Variants in RIC3 observed in about 807,000 individuals in gnomAD.
RIC3 encodes protein RIC-3.
Under a neutral mutation model 27.3 loss-of-function variants are expected in RIC3, and 28 were observed. The observed-to-expected ratio is 1.02, with a 90% CI of 0.76 to 1.41. RIC3 has a LOEUF of 1.41. RIC3 is among the 40% of genes most tolerant of loss of function. RIC3 has a pLI of 0.00. For synonymous variants in RIC3, 184 were observed against 160.4 expected (o/e 1.15, Z -1.11); for missense variants, 501 against 444.7 (o/e 1.13, Z -1.14).
chr11:8,101,301 A>G (rs541387153), downstream of RIC3, among the ~76,000 whole-genome samples: 24 of 151,992 alleles, frequency 1.6e-4, no homozygotes, highest in Admixed American at 4.6e-4. Context: ...GTCCTTTGCC[A>G]TCTGCCACCT....
chr11:8,146,734 G>A (rs558489726), intron 1 of RIC3, among the ~76,000 whole-genome samples: 1 of 151,916 alleles, frequency 6.6e-6, no homozygotes, highest in South Asian at 2.1e-4. Flanking sequence ...GCGGGGCGGG[G>A]TGGCAGGGGG....
downstream of RIC3, chr11:8,101,596 G>A (rs368907491): frequency 7.9e-5 from 128 of 1,614,072 alleles, no homozygotes; most frequent in Admixed American, 1.3e-4. Context: ...GTCCAGCTTC[G>A]ACAGCAAGCT....
chr11:8,151,911 G>T (rs1355978263), intron 1 of RIC3, among the ~76,000 whole-genome samples: 1 of 147,824 alleles, frequency 6.8e-6, no homozygotes, highest in East Asian at 2.0e-4. Context: ...AGTGAGACTC[G>T]GTCTCAAAAA....
At chr11:8,094,821 CGGTT>C in the RIC3 span, among the ~76,000 whole-genome samples, 1 of 152,214 alleles carries the variant, frequency 6.6e-6, no homozygotes, top group Non-Finnish European at 1.5e-5. Context: ...CACTGCGTCA[CGGTT>C]GGACAGTGAT....
At chr11:8,149,394 TAAG>T (rs1425636669) in intron 1 of RIC3, among the ~76,000 whole-genome samples, 1 of 151,844 alleles carries the variant, frequency 6.6e-6, no homozygotes, top group Non-Finnish European at 1.5e-5. Context: ...TTTAGGGAAG[TAAG>T]AAGAGATAAG....
intron 5 of RIC3, among the ~76,000 whole-genome samples, chr11:8,111,560 T>C (rs1564959605): frequency 6.6e-6 from 1 of 151,938 alleles, no homozygotes; most frequent in African/African-American, 2.4e-5. Flanking sequence ...CTTGGTGGAG[T>C]GGGGAGAGGA....
chr11:8,127,298 A>G (rs1278022253), intron 4 of RIC3, among the ~76,000 whole-genome samples: 1 of 152,214 alleles, frequency 6.6e-6, no homozygotes, highest in African/African-American at 2.4e-5. Context: ...GTGCAGGTAT[A>G]AGGATATATT....
At chr11:8,122,309 C>T (rs2133534970) in intron 5 of RIC3, among the ~76,000 whole-genome samples, 1 of 152,242 alleles carries the variant, frequency 6.6e-6, no homozygotes, top group Admixed American at 6.5e-5. Context: ...TATAATATTG[C>T]CACGTCAATT....
chr11:8,095,622 A>T, the RIC3 span: 1 of 1,610,918 alleles, frequency 6.2e-7, no homozygotes, highest in Non-Finnish European at 8.5e-7. Context: ...GTGGGGGCGA[A>T]CGGCCCAGCG....
chr11:8,124,328 C>T (rs1000148513), intron 5 of RIC3, among the ~76,000 whole-genome samples: 6 of 152,064 alleles, frequency 3.9e-5, no homozygotes, highest in African/African-American at 1.4e-4. Context: ...GACCAATATC[C>T]CTCACATATG....
At chr11:8,095,284 G>A in the RIC3 span, among the ~76,000 whole-genome samples, 1 of 152,186 alleles carries the variant, frequency 6.6e-6, no homozygotes, top group Non-Finnish European at 1.5e-5. Flanking sequence ...AATTAATTTG[G>A]GGGAAGAGCA....
At chr11:8,159,570 A>C (rs530854142) in intron 1 of RIC3, among the ~76,000 whole-genome samples, 1 of 152,330 alleles carries the variant, frequency 6.6e-6, no homozygotes, top group South Asian at 2.1e-4. Flanking sequence ...GTAAGATGGA[A>C]TAGAGCAACC....
intron 1 of RIC3, among the ~76,000 whole-genome samples, chr11:8,155,907 G>C (rs534171338): frequency 5.3e-5 from 8 of 152,334 alleles, no homozygotes; most frequent in Non-Finnish European, 1.0e-4. Context: ...TAGAAGCCAA[G>C]ACAATAGCTG....
chr11:8,130,728 T>C (rs946862363), intron 4 of RIC3, among the ~76,000 whole-genome samples: 1 of 151,376 alleles, frequency 6.6e-6, no homozygotes, highest in Non-Finnish European at 1.5e-5. Context: ...ATGACATTTC[T>C]CCTCAAAAGC....
chr11:8,101,260 T>C (rs1186413347), downstream of RIC3, among the ~76,000 whole-genome samples: 1 of 152,228 alleles, frequency 6.6e-6, no homozygotes, highest in African/African-American at 2.4e-5. Flanking sequence ...TCCTCTTTTC[T>C]GTCCCCTGGT....
intron 1 of RIC3, among the ~76,000 whole-genome samples, chr11:8,145,789 A>G (rs1003141105): frequency 2.0e-5 from 3 of 152,214 alleles, no homozygotes; most frequent in African/African-American, 7.2e-5. Flanking sequence ...CCACCAGGAG[A>G]TAACATTATA....
chr11:8,122,408 G>A, intron 5 of RIC3, among the ~76,000 whole-genome samples: 1 of 151,756 alleles, frequency 6.6e-6, no homozygotes, highest in East Asian at 1.9e-4. Context: ...CTAGGTTGTT[G>A]TATATATAGT....
chr11:8,114,848 A>G (rs1945675107), intron 5 of RIC3, among the ~76,000 whole-genome samples: 1 of 152,166 alleles, frequency 6.6e-6, no homozygotes, highest in Non-Finnish European at 1.5e-5. Flanking sequence ...GAAAAATGCA[A>G]TAGAGAGTAT....
chr11:8,110,358 C>G lies in RIC3; in HGVS notation c.*340G>C, dbSNP rs1590050794. ...TGATGTTCGTTCACAGGTGAACTAT[C>G]TGTTACACCTACCAGGAAGAGTCAG... On this transcript the variant is annotated 3_prime_UTR_variant, in exon 6 of 6. Transcript: ENST00000309737. 2.5e-6 allele frequency: 1 copy of G among 399,820 alleles called. No homozygotes were observed. Among genetic ancestry groups the G allele is most frequent in the East Asian group, 5.8e-5 (1 of 17,144 alleles). The allele number at this position is 399,820 out of a possible 1,614,324, so 24.8% of individuals were successfully genotyped here. A position where few individuals can be genotyped will look rare whatever the true frequency, so the allele number is the denominator to read the frequency against.
Sources: allele counts gnomAD v4.1 joint callset (sites outside exome capture counted in the v4.1 genomes callset), GRCh38; gene constraint gnomAD v4.1.1; transcripts MANE v1.5; gene names NCBI Gene and HGNC (gene_info 2026-07-23, HGNC 2026-07-21).